The following STK3 variants were observed in gnomAD, a reference collection of about 807,000 sequenced individuals.
STK3 encodes the protein serine/threonine-protein kinase 3.
A neutral mutation model predicts 58.0 loss-of-function variants in STK3; 41 were observed. The ratio of observed to expected loss-of-function variants is 0.71; its 90% CI spans 0.55 to 0.92. STK3 has a LOEUF of 0.92. Ranked by LOEUF, STK3 falls within the 40% of genes least tolerant of loss-of-function variation. STK3 has a pLI of 0.00. For missense variants in STK3, 479 were observed against 602.7 expected, an observed-to-expected ratio of 0.79 and a Z score of 2.15; for synonymous variants, 170 against 191.0, an observed-to-expected ratio of 0.89 and a Z score of 0.91.
rs544811990 is a variant in STK3, at chr8:98,893,384, C to T, written c.-78-9550G>A. 1.8e-4 allele frequency among the ~76,000 whole-genome samples: 24 copies of T among 132,382 alleles called. No homozygotes were observed. The East Asian group carries it at 4.5e-3, about 25-fold the overall frequency. The allele number at this position is 132,382 out of a possible 152,430, so 86.8% of individuals were successfully genotyped here. On this transcript the variant is annotated intron_variant, in intron 1 of 1. Transcript: ENST00000519420. ...AGCCTGGGTGACAGAGCAAGACTTG[C>T]GAAGAAAGAGAAAGAAAGAAAGAAG...
chr8:98,471,995 T>C (rs150618690), intron 10 of STK3, among the ~76,000 whole-genome samples: 1,651 of 152,330 alleles, frequency 0.011, 24 homozygotes, highest in African/African-American at 0.037. Context: ...TTGCTATAAA[T>C]ATGTACATAA....
At chr8:98,653,706 T>A (rs1180540581) in intron 6 of STK3, among the ~76,000 whole-genome samples, 2 of 152,096 alleles carry the variant, frequency 1.3e-5, no homozygotes, top group African/African-American at 4.8e-5. Flanking sequence ...TATAAACACC[T>A]CTGTGCAAAT....
intron 6 of STK3, among the ~76,000 whole-genome samples, chr8:98,656,867 A>G (rs1279287286): frequency 1.3e-5 from 2 of 152,128 alleles, no homozygotes; most frequent in Non-Finnish European, 2.9e-5. Flanking sequence ...GAAGCAAATG[A>G]GAGTTATATT....
chr8:98,749,621 T>C (rs980614727), intron 3 of STK3, among the ~76,000 whole-genome samples: 2 of 152,066 alleles, frequency 1.3e-5, no homozygotes, highest in Non-Finnish European at 2.9e-5. Context: ...CCCAAATGTT[T>C]TGAGTGATTC....
At chr8:98,593,415 T>A (rs1269573728) in intron 7 of STK3, among the ~76,000 whole-genome samples, 1 of 152,176 alleles carries the variant, frequency 6.6e-6, no homozygotes, top group Non-Finnish European at 1.5e-5. Flanking sequence ...AATTTGGTAA[T>A]CAGATTGTCC....
chr8:98,885,888 G>A (rs1452623280), intron 1 of STK3, among the ~76,000 whole-genome samples: 2 of 152,176 alleles, frequency 1.3e-5, no homozygotes, highest in African/African-American at 4.8e-5. Context: ...AAAGGAACAC[G>A]TTATTGATAT....
At chr8:98,869,098 T>TAGAAA (rs964985880) in intron 3 of STK3, among the ~76,000 whole-genome samples, 1 of 140,988 alleles carries the variant, frequency 7.1e-6, no homozygotes, top group Non-Finnish European at 1.6e-5. Context: ...AAAGAGAAAA[T>TAGAAA]AGAAAAGAAA....
At chr8:98,809,063 G>A (rs190296074) in intron 1 of STK3, among the ~76,000 whole-genome samples, 8 of 152,336 alleles carry the variant, frequency 5.3e-5, no homozygotes, top group Admixed American at 3.9e-4. Context: ...ACATCCACGT[G>A]CTGAAAGAGT....
chr8:98,870,994 T>C (rs1049121177), intron 3 of STK3, among the ~76,000 whole-genome samples: 29 of 152,370 alleles, frequency 1.9e-4, no homozygotes, highest in Non-Finnish European at 3.7e-4. Flanking sequence ...TTTAAGTCTT[T>C]AATCCATCTT....
chr8:98,810,948 T>G (rs1587681303), intron 1 of STK3, among the ~76,000 whole-genome samples: 1 of 152,112 alleles, frequency 6.6e-6, no homozygotes, highest in East Asian at 1.9e-4. Flanking sequence ...ACACACCTGC[T>G]CCCCCATGCC....
At chr8:98,879,417 T>C (rs1395986249), downstream of STK3, 1 of 152,184 alleles carries the variant, frequency 6.6e-6, no homozygotes, top group Non-Finnish European at 1.5e-5. Context: ...AGGCATCAGG[T>C]TTTATCCTTT....
intron 6 of STK3, among the ~76,000 whole-genome samples, chr8:98,680,981 C>CTTTT (rs371666746): frequency 8.0e-6 from 1 of 124,756 alleles, no homozygotes; most frequent in South Asian, 2.6e-4. Context: ...CCCCACCTTT[C>CTTTT]TTTTTTTTTT....
In STK3 at chr8:98,669,638, C is replaced by T. The variant is rs1327625259; in HGVS notation, c.684+36829G>A. Among the ~76,000 whole-genome samples the T allele has an allele frequency of 3.3e-5, 5 of 152,064 alleles. No homozygotes were observed. The South Asian group carries it at 6.2e-4, about 19-fold the overall frequency. ...TTCTCTTAGGGTGCTTCATACAGAT[C>T]GTCAAGGAAGTATCCCAAAAAAAAT... is the stretch of plus-strand genomic sequence containing the variant. On this transcript the variant is annotated intron_variant, in intron 6 of 10. Coordinates refer to ENST00000419617, the MANE Select transcript of STK3 (RefSeq NM_006281.4).
At chr8:98,862,301 AG>A (rs1394933653) in intron 3 of STK3, among the ~76,000 whole-genome samples, 2 of 152,188 alleles carry the variant, frequency 1.3e-5, no homozygotes, top group Admixed American at 6.5e-5. Context: ...ATTGGTTTCA[AG>A]GGTGTTAAAA....
At chr8:98,612,656 G>A (rs4735567) in intron 6 of STK3, among the ~76,000 whole-genome samples, 151,925 of 152,142 alleles carry the variant, frequency 1, 75,860 homozygotes, top group Middle Eastern at 1. Context: ...AAAAAGCTCC[G>A]ACAAAACCCT....
At chr8:98,792,823 G>A (rs1252208412) in intron 1 of STK3, among the ~76,000 whole-genome samples, 1 of 152,048 alleles carries the variant, frequency 6.6e-6, no homozygotes, top group Non-Finnish European at 1.5e-5. Context: ...GTTTATAGCA[G>A]CACAGTTCGC....
intron 6 of STK3, among the ~76,000 whole-genome samples, chr8:98,665,355 C>G (rs997828588): frequency 6.6e-6 from 1 of 152,102 alleles, no homozygotes. Flanking sequence ...AGGGTTGTAT[C>G]CCCATTGAAG....
intron 10 of STK3, among the ~76,000 whole-genome samples, chr8:98,513,823 C>G (rs1404192886): frequency 2.0e-5 from 3 of 152,104 alleles, no homozygotes; most frequent in Non-Finnish European, 2.9e-5. Context: ...GGCTGCTGGT[C>G]AAACACATCA....
chr8:98,531,936 C>G (rs1161326039), intron 9 of STK3, among the ~76,000 whole-genome samples: 1 of 152,212 alleles, frequency 6.6e-6, no homozygotes, highest in Non-Finnish European at 1.5e-5. Context: ...GAGCCTTGCT[C>G]TGGGTTAGAC....
Sources: gnomAD v4.1 joint callset for allele counts (sites outside exome capture counted in the v4.1 genomes callset) on GRCh38, gnomAD v4.1.1 for gene constraint, MANE v1.5 for transcripts, NCBI Gene and HGNC (gene_info 2026-07-23, HGNC 2026-07-21) for gene names.